MGST1: variants seen among roughly 807,000 people sequenced by gnomAD.
MGST1 encodes glutathione S-transferase 12.
A neutral mutation model predicts 8.9 loss-of-function variants in MGST1; 5 were observed. The ratio of observed to expected loss-of-function variants is 0.56; its 90% CI spans 0.29 to 1.19. MGST1 has a LOEUF of 1.19. Ranked by LOEUF, MGST1 falls within the 50% of genes most tolerant of loss-of-function variation. The pLI, the probability that MGST1 is intolerant of heterozygous loss-of-function variation, is 0.08. For synonymous variants in MGST1, 54 were observed against 67.8 expected, an observed-to-expected ratio of 0.80 and a Z score of 1.00; for missense variants, 182 against 187.4, an observed-to-expected ratio of 0.97 and a Z score of 0.17.
intron 1 of MGST1, among the ~76,000 whole-genome samples, chr12:16,433,738 A>G (rs994105654): frequency 1.3e-5 from 2 of 152,112 alleles, no homozygotes; most frequent in African/African-American, 4.8e-5. Flanking sequence ...AAGTTGACAC[A>G]TAAAATTAAC....
intron 4 of MGST1, among the ~76,000 whole-genome samples, chr12:16,468,978 G>C (rs1340268321): frequency 2.0e-5 from 3 of 152,154 alleles, no homozygotes; most frequent in Admixed American, 1.3e-4. Flanking sequence ...AAACTCCTAG[G>C]GGATGGTAGA....
chr12:16,416,755 AT>A (rs1940790977), intron 1 of MGST1, among the ~76,000 whole-genome samples: 1 of 152,198 alleles, frequency 6.6e-6, no homozygotes, highest in African/African-American at 2.4e-5. Context: ...CTGAGGGTGT[AT>A]ATGTAAAAAA....
chr12:16,483,447 C>T (rs1941378429), intron 4 of MGST1, among the ~76,000 whole-genome samples: 1 of 151,866 alleles, frequency 6.6e-6, no homozygotes, highest in African/African-American at 2.4e-5. Context: ...TCGTTTAATC[C>T]AATGGCAAAA....
At chr12:16,445,996 T>C (rs994427703) in intron 4 of MGST1, among the ~76,000 whole-genome samples, 8 of 151,926 alleles carry the variant, frequency 5.3e-5, no homozygotes, top group African/African-American at 1.9e-4. Flanking sequence ...GTTACTCTAA[T>C]TGGCATGTAT....
At chr12:16,381,987 T>C (rs1405759733), downstream of MGST1, among the ~76,000 whole-genome samples, 1 of 152,246 alleles carries the variant, frequency 6.6e-6, no homozygotes, top group Non-Finnish European at 1.5e-5. Flanking sequence ...TTCAGCTCCA[T>C]CAGGTCCTTT....
chr12:16,414,357 CTTTTTTTTTTTT>C (rs375736641), intron 1 of MGST1, among the ~76,000 whole-genome samples: 1 of 103,156 alleles, frequency 9.7e-6, no homozygotes, highest in South Asian at 3.5e-4. Flanking sequence ...TACCTGATTT[CTTTTTTTTTTTT>C]TTTTTTTAGG....
chr12:16,560,599 A>C lies in MGST1; in HGVS notation n.483-28929A>C. 3 of 1,475,866 alleles carry C rather than the reference A, an allele frequency of 2.0e-6. No individual in the cohort carries two copies. The highest frequency in any genetic ancestry group is 2.8e-6 in the Non-Finnish European group (3 of 1,067,516). 91.4% of individuals were successfully genotyped at this position (1,475,866 alleles called of 1,614,324 possible). On this transcript the variant is annotated intron_variant and non_coding_transcript_variant, in intron 4 of 4. Coordinates refer to the MGST1 transcript ENST00000538857. This position sits in a 1 kb window ranked among gnomAD's most constrained non-coding sequence, Gnocchi z 5.0. ...CTTACAGAGAAATCTGAGATCGTGA[A>C]GAGAGATGATGTTAATATACTCTGT...
chr12:16,463,297 G>A (rs1005528298), intron 4 of MGST1, among the ~76,000 whole-genome samples: 5 of 152,018 alleles, frequency 3.3e-5, no homozygotes, highest in Non-Finnish European at 7.4e-5. Flanking sequence ...CATCCTCCTT[G>A]CCTCAGCCTC....
intron 4 of MGST1, among the ~76,000 whole-genome samples, chr12:16,545,695 G>A (rs938273225): frequency 1.3e-5 from 2 of 151,878 alleles, no homozygotes; most frequent in Admixed American, 6.6e-5. Context: ...TCTATTCTTG[G>A]TACCCTAGAT....
chr12:16,460,526 C>T (rs1941210132), intron 4 of MGST1, among the ~76,000 whole-genome samples: 2 of 151,894 alleles, frequency 1.3e-5, no homozygotes, highest in Admixed American at 1.3e-4. Flanking sequence ...GACCAGGCAT[C>T]CTCCTCTGAG....
In MGST1 at chr12:16,482,642, A is replaced by C. The variant is rs933403174; in HGVS notation, n.482+99038A>C. 6.6e-6 allele frequency among the ~76,000 whole-genome samples: 1 copy of C among 151,950 alleles called. No individual in the cohort carries two copies. Among genetic ancestry groups the C allele is most frequent in the African/African-American group, 2.4e-5 (1 of 41,418 alleles). On this transcript the variant is annotated intron_variant and non_coding_transcript_variant, in intron 4 of 4. Coordinates refer to the MGST1 transcript ENST00000538857. The surrounding 1 kb of genome is among the most constrained non-coding windows in gnomAD (Gnocchi z 4.2). ...CAAGACTCTGTCTGGAAGAAAAAAA[A>C]AAAAGAGTGAGAACATGTAAAAATG...
At chr12:16,529,951 C>A (rs1030295371) in intron 4 of MGST1, among the ~76,000 whole-genome samples, 2 of 152,100 alleles carry the variant, frequency 1.3e-5, no homozygotes, top group African/African-American at 4.8e-5. Flanking sequence ...ATCAAGAAGA[C>A]TCCTTCCATC....
intron 4 of MGST1, among the ~76,000 whole-genome samples, chr12:16,447,483 CT>C (rs2137109360): frequency 6.6e-6 from 1 of 151,982 alleles, no homozygotes; most frequent in Admixed American, 6.5e-5. Context: ...AGAAGGGTAG[CT>C]GTGAAAAAGG....
intron 4 of MGST1, among the ~76,000 whole-genome samples, chr12:16,579,824 G>T (rs1161926363): frequency 6.6e-6 from 1 of 152,186 alleles, no homozygotes; most frequent in African/African-American, 2.4e-5. Flanking sequence ...AAATGTAGAA[G>T]TGATAGGATG....
intron 1 of MGST1, among the ~76,000 whole-genome samples, chr12:16,436,240 A>T (rs1940985908): frequency 6.6e-6 from 1 of 152,024 alleles, no homozygotes; most frequent in African/African-American, 2.4e-5. Context: ...CAGTGTTTAC[A>T]ATATAAAAAG....
At chr12:16,463,810 A>G (rs1941237077) in intron 4 of MGST1, among the ~76,000 whole-genome samples, 1 of 152,204 alleles carries the variant, frequency 6.6e-6, no homozygotes, top group African/African-American at 2.4e-5. Context: ...GTCTAAGTAC[A>G]GCTCATCTTT....
intron 4 of MGST1, among the ~76,000 whole-genome samples, chr12:16,466,435 A>G (rs1310513790): frequency 2.0e-5 from 3 of 152,202 alleles, no homozygotes; most frequent in Non-Finnish European, 4.4e-5. Flanking sequence ...CTTTAACATA[A>G]TATGTCATTA....
intron 4 of MGST1, among the ~76,000 whole-genome samples, chr12:16,552,117 T>A (rs139380943): frequency 0.021 from 3,268 of 152,152 alleles, 71 homozygotes; most frequent in South Asian, 0.058. Context: ...TTTTAATAAG[T>A]GTTCTTTCTG....
rs1331549164 is a variant in MGST1 at position 16,500,291 on chromosome 12, T to C, written n.483-89237T>C. On this transcript the variant is annotated intron_variant and non_coding_transcript_variant, in intron 4 of 4. Transcript: ENST00000538857. The surrounding 1 kb of genome is among the most constrained non-coding windows in gnomAD (Gnocchi z 4.3). ...TGAAGCAAAGTGTAACTACGATAGT[T>C]GGAAAATATAAAATATTTGGCTGAG... 6.6e-6 allele frequency among the ~76,000 whole-genome samples: 1 copy of C among 152,184 alleles called. No homozygotes were observed. The highest frequency in any genetic ancestry group is 2.4e-5 in the African/African-American group (1 of 41,442).
Sources: allele counts gnomAD v4.1 joint callset (sites outside exome capture counted in the v4.1 genomes callset), GRCh38; gene constraint gnomAD v4.1.1; non-coding constraint Gnocchi (gnomAD v3.1); transcripts MANE v1.5; gene names NCBI Gene and HGNC (gene_info 2026-07-23, HGNC 2026-07-21).